The following TENM2 variants were observed in gnomAD, a reference collection of about 807,000 sequenced individuals.
The protein encoded by TENM2 is teneurin transmembrane protein 2.
A neutral mutation model predicts 245.2 loss-of-function variants in TENM2; 52 were observed. The ratio of observed to expected loss-of-function variants is 0.21; its 90% CI spans 0.17 to 0.27. The LOEUF is 0.27. TENM2 is among the 10% of genes least tolerant of loss of function. The pLI is 1.00. For missense variants in TENM2, 3,046 were observed against 3,666.8 expected (o/e 0.83, Z 4.37); for synonymous variants, 1,363 against 1,438.9 (o/e 0.95, Z 1.19).
chr5:168,027,673 C>G (rs1268073247), intron 5 of TENM2, among the ~76,000 whole-genome samples: 6 of 152,230 alleles, frequency 3.9e-5, no homozygotes, highest in African/African-American at 1.4e-4. Context: ...TCAAGTTGAA[C>G]TGTCTGGTTC....
intron 2 of TENM2, among the ~76,000 whole-genome samples, chr5:167,408,071 C>T (rs935864295): frequency 1.3e-5 from 2 of 152,108 alleles, no homozygotes; most frequent in African/African-American, 4.8e-5. Flanking sequence ...TTCCTTATTC[C>T]ACTGTGGCCC....
the TENM2 span, among the ~76,000 whole-genome samples, chr5:167,055,764 T>C: frequency 2.6e-5 from 4 of 152,100 alleles, no homozygotes; most frequent in Non-Finnish European, 5.9e-5. Flanking sequence ...ACCTTCTAAC[T>C]GCTGTAATTG....
chr5:167,016,281 C>CAAAAAAAA, the TENM2 span, among the ~76,000 whole-genome samples: 1 of 78,840 alleles, frequency 1.3e-5, no homozygotes, highest in Non-Finnish European at 2.6e-5. Flanking sequence ...AACAAACAAA[C>CAAAAAAAA]AAAAAAAAAA....
At chr5:168,037,877 C>A (rs1787848363) in intron 5 of TENM2, among the ~76,000 whole-genome samples, 1 of 152,210 alleles carries the variant, frequency 6.6e-6, no homozygotes, top group Admixed American at 6.5e-5. Flanking sequence ...AAAGTCTGGA[C>A]CAGATGGCCT....
the TENM2 span, among the ~76,000 whole-genome samples, chr5:167,040,013 A>G: frequency 1.3e-5 from 2 of 152,306 alleles, no homozygotes; most frequent in African/African-American, 2.4e-5. Context: ...CTGTCTGCAT[A>G]GAGACACAGC....
chr5:167,798,865 A>G (rs933430004), intron 2 of TENM2, among the ~76,000 whole-genome samples: 3 of 152,202 alleles, frequency 2.0e-5, no homozygotes, highest in Non-Finnish European at 4.4e-5. Context: ...ACAGTCAGAA[A>G]AGGACTTAGT....
At chr5:167,734,379 C>T (rs549823121) in intron 2 of TENM2, among the ~76,000 whole-genome samples, 23 of 151,416 alleles carry the variant, frequency 1.5e-4, no homozygotes, top group African/African-American at 3.6e-4. Flanking sequence ...CTAGAACTAA[C>T]GGTGAATAAC....
intron 2 of TENM2, among the ~76,000 whole-genome samples, chr5:167,575,208 C>A (rs1774560242): frequency 6.6e-6 from 1 of 151,196 alleles, no homozygotes; most frequent in African/African-American, 2.4e-5. Context: ...TAAGATTTTA[C>A]CTAAAAGATA....
chr5:168,081,800 A>G (rs534543431), intron 7 of TENM2, among the ~76,000 whole-genome samples: 7 of 152,264 alleles, frequency 4.6e-5, no homozygotes, highest in East Asian at 3.9e-4. Context: ...CGAGAGATCC[A>G]CTGTTAGTCT....
At chr5:167,916,721 C>T (rs1044271337) in intron 3 of TENM2, among the ~76,000 whole-genome samples, 7 of 151,872 alleles carry the variant, frequency 4.6e-5, no homozygotes, top group African/African-American at 1.2e-4. Context: ...GGAGGGAGGC[C>T]CCAGAACCAA....
At chr5:167,894,600 TC>T (rs1482823933) in intron 3 of TENM2, among the ~76,000 whole-genome samples, 11 of 152,220 alleles carry the variant, frequency 7.2e-5, no homozygotes, top group African/African-American at 2.6e-4. Context: ...TACTCAAATA[TC>T]ATTCCTTGGA....
intron 7 of TENM2, among the ~76,000 whole-genome samples, chr5:168,081,937 T>C (rs1562134862): frequency 6.6e-6 from 1 of 152,198 alleles, no homozygotes; most frequent in Non-Finnish European, 1.5e-5. Flanking sequence ...AGGAGTATCT[T>C]TGTGGCATTC....
the TENM2 span, among the ~76,000 whole-genome samples, chr5:167,254,823 C>T: frequency 6.6e-6 from 1 of 152,014 alleles, no homozygotes; most frequent in African/African-American, 2.4e-5. Context: ...GACATCCATG[C>T]AAAACTCTGA....
the TENM2 span, among the ~76,000 whole-genome samples, chr5:167,210,864 T>C: frequency 6.6e-6 from 1 of 152,142 alleles, no homozygotes; most frequent in African/African-American, 2.4e-5. Context: ...ATAAACACCA[T>C]GAACAAAGTT....
At chr5:167,402,746 T>G (rs1762430463) in intron 2 of TENM2, among the ~76,000 whole-genome samples, 1 of 152,120 alleles carries the variant, frequency 6.6e-6, no homozygotes, top group Non-Finnish European at 1.5e-5. Flanking sequence ...ATGTCTTTTA[T>G]TCTCCTATAG....
chr5:167,873,070 A>G (rs1456593112), intron 2 of TENM2, among the ~76,000 whole-genome samples: 1 of 152,250 alleles, frequency 6.6e-6, no homozygotes, highest in African/African-American at 2.4e-5. Context: ...TGTTCCTACC[A>G]GAGCCTCGCT....
chr5:168,008,249 G>A (rs1388074849), intron 5 of TENM2, among the ~76,000 whole-genome samples: 3 of 152,168 alleles, frequency 2.0e-5, no homozygotes, highest in African/African-American at 4.8e-5. Context: ...AACAGGAAAG[G>A]TAAAAGGAGA....
At chr5:167,088,081 C>T in the TENM2 span, among the ~76,000 whole-genome samples, 2 of 152,236 alleles carry the variant, frequency 1.3e-5, no homozygotes, top group Middle Eastern at 3.4e-3. Flanking sequence ...AACCCCTGCA[C>T]CCAGCCATGG....
chr5:167,375,861 G>A (rs1343238327), intron 2 of TENM2, among the ~76,000 whole-genome samples: 2 of 151,350 alleles, frequency 1.3e-5, no homozygotes, highest in African/African-American at 4.9e-5. Context: ...ATTTTTTTTC[G>A]TGACGATCTC....
Sources: allele counts gnomAD v4.1 joint callset (sites outside exome capture counted in the v4.1 genomes callset), GRCh38; gene constraint gnomAD v4.1.1; transcripts MANE v1.5; gene names NCBI Gene and HGNC (gene_info 2026-07-23, HGNC 2026-07-21).